Variants in GABRG3 observed in about 807,000 individuals in gnomAD.
GABRG3 encodes the protein gamma-aminobutyric acid receptor subunit gamma-3.
In GABRG3, 25 loss-of-function variants were observed where a neutral mutation model predicts 48.8. The ratio of observed to expected loss-of-function variants is 0.51; its 90% confidence interval spans 0.37 to 0.72. The LOEUF (loss-of-function observed/expected upper bound fraction) is 0.72. GABRG3 is among the 30% of genes least tolerant of loss of function. The pLI is 0.00. For synonymous variants in GABRG3, 227 were observed against 217.6 expected, an observed-to-expected ratio of 1.04 and a Z score of -0.38; for missense variants, 394 against 577.9, an observed-to-expected ratio of 0.68 and a Z score of 3.26.
intron 2 of GABRG3, among the ~76,000 whole-genome samples, chr15:27,013,114 C>T (rs1895719312): frequency 6.6e-6 from 1 of 152,122 alleles, no homozygotes; most frequent in Admixed American, 6.5e-5. Context: ...TAGGACTTCA[C>T]ATCTGGATTT....
intron 5 of GABRG3, among the ~76,000 whole-genome samples, chr15:27,404,562 G>A (rs1471129008): frequency 1.3e-5 from 2 of 152,196 alleles, no homozygotes; most frequent in Non-Finnish European, 2.9e-5. Context: ...AGGGCTGTCT[G>A]GTTAATGGAC....
At chr15:27,306,272 A>G (rs1303146625) in intron 3 of GABRG3, among the ~76,000 whole-genome samples, 1 of 139,456 alleles carries the variant, frequency 7.2e-6, no homozygotes, top group Non-Finnish European at 1.5e-5. Flanking sequence ...ATGTAAACAT[A>G]TATAACATAA....
intron 3 of GABRG3, among the ~76,000 whole-genome samples, chr15:27,270,765 A>G (rs1396959008): frequency 6.6e-6 from 1 of 152,212 alleles, no homozygotes; most frequent in East Asian, 1.9e-4. Flanking sequence ...GGCTAAAGTG[A>G]TAGATATGGT....
intron 7 of GABRG3, among the ~76,000 whole-genome samples, chr15:27,526,755 A>C (rs1377774707): frequency 1.3e-5 from 2 of 152,158 alleles, no homozygotes; most frequent in East Asian, 3.8e-4. Context: ...ATTACCAATT[A>C]ATTGATTCAT....
At chr15:27,070,349 CA>C (rs1181664787) in intron 3 of GABRG3, among the ~76,000 whole-genome samples, 9 of 152,128 alleles carry the variant, frequency 5.9e-5, no homozygotes, top group Non-Finnish European at 1.3e-4. Flanking sequence ...GACCATATGC[CA>C]AGTTGAAAAT....
chr15:27,091,588 T>C (rs1897186158), intron 3 of GABRG3, among the ~76,000 whole-genome samples: 1 of 152,242 alleles, frequency 6.6e-6, no homozygotes, highest in Non-Finnish European at 1.5e-5. Flanking sequence ...AGCTATCTGA[T>C]CGTGGGCTTT....
chr15:27,332,638 G>T (rs566711347), intron 5 of GABRG3, among the ~76,000 whole-genome samples: 1 of 152,294 alleles, frequency 6.6e-6, no homozygotes, highest in East Asian at 1.9e-4. Context: ...ACACTCTGAA[G>T]CTGTATTTTT....
intron 3 of GABRG3, among the ~76,000 whole-genome samples, chr15:27,128,893 T>C (rs1196821605): frequency 6.6e-6 from 1 of 152,242 alleles, no homozygotes; most frequent in East Asian, 1.9e-4. Flanking sequence ...GTTTTGAATT[T>C]TATTTATAAA....
At chr15:27,473,780 A>G (rs1239140858) in intron 5 of GABRG3, among the ~76,000 whole-genome samples, 5 of 152,216 alleles carry the variant, frequency 3.3e-5, no homozygotes, top group Admixed American at 3.3e-4. Context: ...CAAACTGATA[A>G]TTTAGGAATT....
intron 3 of GABRG3, among the ~76,000 whole-genome samples, chr15:27,204,782 T>G (rs1328757080): frequency 6.6e-6 from 1 of 152,158 alleles, no homozygotes; most frequent in East Asian, 1.9e-4. Flanking sequence ...TTTCTACATA[T>G]GTCATTCTTT....
intron 3 of GABRG3, among the ~76,000 whole-genome samples, chr15:27,302,621 G>A (rs1397564429): frequency 2.0e-5 from 3 of 151,978 alleles, no homozygotes; most frequent in Admixed American, 6.6e-5. Context: ...AAATCAGTCA[G>A]TGCCATGAAC....
At chr15:27,496,037 G>T (rs1338612326) in intron 6 of GABRG3, among the ~76,000 whole-genome samples, 1 of 152,206 alleles carries the variant, frequency 6.6e-6, no homozygotes, top group Non-Finnish European at 1.5e-5. Context: ...TTGGCCTTCA[G>T]TGATACTCCA....
chr15:27,335,013 A>G (rs891812509), intron 5 of GABRG3, among the ~76,000 whole-genome samples: 1 of 152,272 alleles, frequency 6.6e-6, no homozygotes, highest in Non-Finnish European at 1.5e-5. Context: ...AATCTGTGAT[A>G]TATAAATACC....
In GABRG3 at chr15:27,351,490, GGTGT is replaced by G. The variant is rs532797712; in HGVS notation, c.574+22611_574+22614del. Among the ~76,000 whole-genome samples, 110 of 144,080 alleles carry G rather than the reference GGTGT, an allele frequency of 7.6e-4. 2 individuals carry two copies. In the East Asian group the frequency reaches 0.013, roughly 18 times the overall value. 94.5% of individuals were successfully genotyped at this position (144,080 alleles called of 152,430 possible). A position where few individuals can be genotyped will look rare whatever the true frequency, so the allele number is the denominator to read the frequency against. On this transcript the variant is annotated intron_variant, in intron 5 of 9. Transcript: ENST00000615808. ...GTGTATGTTTGTATGGTGTGTGTAT[GGTGT>G]GTGTGTGTTGGTATGTGTGTATGGT...
At chr15:27,423,161 C>T (rs1372787950) in intron 5 of GABRG3, among the ~76,000 whole-genome samples, 3 of 140,376 alleles carry the variant, frequency 2.1e-5, no homozygotes, top group South Asian at 2.3e-4. Context: ...AAGAGTTATG[C>T]TTGTGCAAAG....
chr15:27,348,155 C>CAAAAAAAAAAA lies in GABRG3; in HGVS notation c.574+19270_574+19271insAAAAAAAAAAA, dbSNP rs535295684. Among the ~76,000 whole-genome samples, 7 of 102,972 alleles carry CAAAAAAAAAAA rather than the reference C, an allele frequency of 6.8e-5. 2 individuals carry two copies. The highest frequency in any genetic ancestry group is 2.5e-4 in the East Asian group (1 of 3,928). 67.6% of individuals were successfully genotyped at this position (102,972 alleles called of 152,430 possible). On this transcript the variant is annotated intron_variant, in intron 5 of 9. Transcript: ENST00000615808. Reference sequence around the variant, plus strand: ...TGGGTGACAGAGCGAGACTCCATCTCAAATAAATAAAGAGTTGGAGATTTT... The same window carrying CAAAAAAAAAAA: ...TGGGTGACAGAGCGAGACTCCATCTCAAAAAAAAAAAAAATAAATAAAGAGTTGGAGATTTT...
At chr15:27,514,697 T>A (rs978088186) in intron 6 of GABRG3, among the ~76,000 whole-genome samples, 11 of 152,232 alleles carry the variant, frequency 7.2e-5, no homozygotes, top group African/African-American at 2.7e-4. Context: ...TACAACTATA[T>A]GACTAACTGG....
At chr15:27,475,650 GTGA>G (rs1245888888) in intron 5 of GABRG3, among the ~76,000 whole-genome samples, 3 of 151,862 alleles carry the variant, frequency 2.0e-5, no homozygotes, top group Non-Finnish European at 4.4e-5. Flanking sequence ...GATGGTGATA[GTGA>G]TGATGTTGGT....
At chr15:26,985,828 A>G (rs1409166829) in intron 2 of GABRG3, among the ~76,000 whole-genome samples, 2 of 152,246 alleles carry the variant, frequency 1.3e-5, no homozygotes, top group Admixed American at 1.3e-4. Flanking sequence ...AAGGCATACA[A>G]TAGTCCTTCA....
Sources: allele counts gnomAD v4.1 joint callset (sites outside exome capture counted in the v4.1 genomes callset), GRCh38; gene constraint gnomAD v4.1.1; transcripts MANE v1.5; gene names NCBI Gene and HGNC (gene_info 2026-07-23, HGNC 2026-07-21).